The following ENAH variants were observed in gnomAD, a reference collection of about 807,000 sequenced individuals.
ENAH encodes the protein ENAH actin regulator, also known as protein enabled homolog.
In ENAH, 23 loss-of-function variants were observed where a neutral mutation model predicts 78.7. The ratio of observed to expected loss-of-function variants is 0.29; its 90% confidence interval spans 0.21 to 0.41. The LOEUF (loss-of-function observed/expected upper bound fraction) is 0.41. Ranked by LOEUF, ENAH falls within the 10% of genes least tolerant of loss-of-function variation. ENAH has a pLI of 1.00. For missense variants in ENAH, 544 were observed against 691.0 expected (o/e 0.79, Z 2.39); for synonymous variants, 226 against 241.0 (o/e 0.94, Z 0.58).
chr1:225,618,420 T>C (rs1656197906), intron 1 of ENAH, among the ~76,000 whole-genome samples: 1 of 152,224 alleles, frequency 6.6e-6, no homozygotes, highest in South Asian at 2.1e-4. Flanking sequence ...CAGGGACTTC[T>C]TTCAATCATC....
intron 1 of ENAH, among the ~76,000 whole-genome samples, chr1:225,620,535 G>A (rs1463366671): frequency 6.6e-6 from 1 of 151,272 alleles, no homozygotes; most frequent in Non-Finnish European, 1.5e-5. Context: ...TCTCAAAAAT[G>A]TCCCAGGCCT....
intron 1 of ENAH, among the ~76,000 whole-genome samples, chr1:225,650,720 C>G (rs1019123613): frequency 7.3e-5 from 11 of 151,594 alleles, no homozygotes; most frequent in Non-Finnish European, 1.5e-4. Context: ...CGTGGTGATA[C>G]CCGCCTGTAA....
At chr1:225,550,447 T>C (rs1404135192) in intron 3 of ENAH, among the ~76,000 whole-genome samples, 2 of 152,218 alleles carry the variant, frequency 1.3e-5, no homozygotes, top group African/African-American at 4.8e-5. Context: ...ACTGAAAATA[T>C]TTTTGTGATA....
At chr1:225,502,051 A>G (rs1265982402) in intron 11 of ENAH, among the ~76,000 whole-genome samples, 2 of 152,154 alleles carry the variant, frequency 1.3e-5, no homozygotes, top group African/African-American at 2.4e-5. Context: ...TATATTCCCA[A>G]TTTTGCAGAG....
intron 4 of ENAH, among the ~76,000 whole-genome samples, chr1:225,526,597 A>G (rs1044182430): frequency 6.6e-6 from 1 of 151,630 alleles, no homozygotes; most frequent in African/African-American, 2.4e-5. Flanking sequence ...TCAGCCTCCC[A>G]AAGTGCTGGG....
chr1:225,588,801 C>CAAA lies in ENAH; in HGVS notation c.6-21390_6-21388dup, dbSNP rs55962047. On this transcript the variant is annotated intron_variant, in intron 1 of 13. Transcript: ENST00000366843. ...GCCTGGCAATAGAGCAAGTCTGTGT[C>CAAA]AAAAAAAAAAAAAAAAAAAAAAAAG... 5.9e-4 allele frequency among the ~76,000 whole-genome samples: 46 copies of CAAA among 78,418 alleles called. 1 individual carries two copies. Among genetic ancestry groups the CAAA allele is most frequent in the African/African-American group, 2.1e-3 (39 of 18,770 alleles). 51.4% of individuals were successfully genotyped at this position (78,418 alleles called of 152,430 possible). A position where few individuals can be genotyped will look rare whatever the true frequency, so the allele number is the denominator to read the frequency against.
At chr1:225,627,463 A>G (rs1452736600) in intron 1 of ENAH, among the ~76,000 whole-genome samples, 1 of 149,322 alleles carries the variant, frequency 6.7e-6, no homozygotes, top group African/African-American at 2.4e-5. Context: ...GATACAGCCA[A>G]TGAGATAAGG....
rs758485595 is a variant in ENAH at position 225,533,844 on chromosome 1, A to C, written c.350-3206T>G. 2.0e-5 allele frequency among the ~76,000 whole-genome samples: 3 copies of C among 152,170 alleles called. No individual in the cohort carries two copies. The East Asian group carries it at 5.8e-4, about 29-fold the overall frequency. ...CAAATCTATTTTCACAATTAGCCAC[A>C]GACTATTTAAAAACACAGGACTAAA... On this transcript the variant is annotated intron_variant, in intron 3 of 13. Coordinates refer to ENST00000366843, the MANE Select transcript of ENAH (RefSeq NM_018212.6).
At chr1:225,581,581 C>G (rs2096818046) in intron 1 of ENAH, among the ~76,000 whole-genome samples, 1 of 152,154 alleles carries the variant, frequency 6.6e-6, no homozygotes. Context: ...ACTATAGAAT[C>G]TCAATCTATT....
Position 225,611,619 on chromosome 1 carries a change from C to CA in ENAH, c.5+41066dup, listed in dbSNP as rs974887706. On this transcript the variant is annotated intron_variant, in intron 1 of 13. Coordinates refer to ENST00000366843, the MANE Select transcript of ENAH (RefSeq NM_018212.6). ...ACAGGCATGAGCTACCTTGCCCAGACAAAAAAAAAATTTTTTAATTAGCCA... is the reference window on the plus strand; with the variant it reads ...ACAGGCATGAGCTACCTTGCCCAGACAAAAAAAAAAATTTTTTAATTAGCCA... Among the ~76,000 whole-genome samples the CA allele has an allele frequency of 3.3e-4, 49 of 150,438 alleles. No individual in the cohort carries two copies. The East Asian group carries it at 4.1e-3, about 13-fold the overall frequency.
chr1:225,531,708 A>G (rs1220916470), intron 3 of ENAH, among the ~76,000 whole-genome samples: 1 of 152,118 alleles, frequency 6.6e-6, no homozygotes, highest in East Asian at 1.9e-4. Flanking sequence ...TCTGTGCACT[A>G]AATTCTTGTA....
intron 1 of ENAH, among the ~76,000 whole-genome samples, chr1:225,619,586 C>T (rs1199711662): frequency 6.6e-6 from 1 of 152,096 alleles, no homozygotes; most frequent in Non-Finnish European, 1.5e-5. Flanking sequence ...ACTCCCACCT[C>T]CCTAGTCTTA....
At position 225,513,022 on chromosome 1, in the gene ENAH, T is replaced by A. The variant is rs757713613; in HGVS notation, c.1219-6A>T. 11 of 1,610,764 alleles carry A rather than the reference T, an allele frequency of 6.8e-6. No individual in the cohort carries two copies. The highest frequency in any genetic ancestry group is 9.3e-6 in the Non-Finnish European group (11 of 1,178,688). On this transcript the variant is annotated splice_region_variant and splice_polypyrimidine_tract_variant and intron_variant, in intron 7 of 13. Coordinates refer to ENST00000366843, the MANE Select transcript of ENAH (RefSeq NM_018212.6). Reference sequence around the variant, plus strand: ...GGGAAAGAGGTATCCTCCATCTTAATGAGAATATACAGACATAATCAACTC... The same window carrying A: ...GGGAAAGAGGTATCCTCCATCTTAAAGAGAATATACAGACATAATCAACTC...
At chr1:225,648,949 T>A (rs1405334749) in intron 1 of ENAH, among the ~76,000 whole-genome samples, 1 of 152,010 alleles carries the variant, frequency 6.6e-6, no homozygotes, top group African/African-American at 2.4e-5. Flanking sequence ...TATAAAATAA[T>A]AAAAATGTGG....
At chr1:225,537,507 C>T (rs550128010) in intron 3 of ENAH, among the ~76,000 whole-genome samples, 1 of 152,268 alleles carries the variant, frequency 6.6e-6, no homozygotes, top group South Asian at 2.1e-4. Context: ...ATGCATAAGC[C>T]TAACAGAACT....
At chr1:225,582,736 T>C (rs1342317787) in intron 1 of ENAH, among the ~76,000 whole-genome samples, 2 of 152,176 alleles carry the variant, frequency 1.3e-5, no homozygotes, top group East Asian at 3.8e-4. Context: ...AACCAAAATA[T>C]GACCCACTGC....
At chr1:225,509,111 C>G (rs1033849365) in intron 10 of ENAH, among the ~76,000 whole-genome samples, 2 of 152,130 alleles carry the variant, frequency 1.3e-5, no homozygotes, top group African/African-American at 4.8e-5. Context: ...GCTAACACAG[C>G]CTCTCAATGA....
intron 11 of ENAH, among the ~76,000 whole-genome samples, chr1:225,506,249 G>A (rs1420669537): frequency 2.6e-5 from 4 of 152,254 alleles, no homozygotes; most frequent in Non-Finnish European, 4.4e-5. Flanking sequence ...GTGCAATAGC[G>A]CGATATCAGC....
At position 225,501,024 on chromosome 1, in the gene ENAH, T is replaced by G; in HGVS notation, c.1585A>C (p.Thr529Pro). Residue 529 changes from threonine (T) to proline (P), a missense_variant, in exon 12 of 14, where the codon ACG becomes CCG. Physicochemically the swap from Thr to Pro is conservative, Grantham distance 38. Transcript: ENST00000366843. The part of the protein sequence containing the change: ...LSQPSANGVQ[T>P]EGLDYDRLKQ... ...AGCCTGTCATAGTCAAGTCCTTCCG[T>G]CTGGACTCCATTGGCACTGGGCTGT... is the stretch of plus-strand genomic sequence containing the variant. 1 of 1,614,190 alleles carries G rather than the reference T, an allele frequency of 6.2e-7. No individual in the cohort carries two copies. The highest frequency in any genetic ancestry group is 8.5e-7 in the Non-Finnish European group (1 of 1,180,026).
Sources: allele counts gnomAD v4.1 joint callset (sites outside exome capture counted in the v4.1 genomes callset), GRCh38; gene constraint gnomAD v4.1.1; transcripts MANE v1.5; gene names NCBI Gene and HGNC (gene_info 2026-07-23, HGNC 2026-07-21).